Variants in ELP1 observed in about 807,000 individuals in gnomAD.
ELP1 encodes elongator complex protein 1.
In ELP1, 131 loss-of-function variants were observed where a neutral mutation model predicts 183.2. That is an observed-to-expected ratio of 0.72 (90% CI 0.62 to 0.83). The LOEUF (loss-of-function observed/expected upper bound fraction) is 0.83, where lower values mean the gene tolerates loss of function less well. ELP1 is among the 40% of genes least tolerant of loss of function. The pLI, the probability that ELP1 is intolerant of heterozygous loss-of-function variation, is 0.00. For synonymous variants in ELP1, 555 were observed against 569.0 expected (o/e 0.98, Z 0.35); for missense variants, 1,550 against 1,594.9 (o/e 0.97, Z 0.48).
At chr9:108,933,388 A>G (rs1032976371) in intron 1 of ELP1, among the ~76,000 whole-genome samples, 6 of 152,204 alleles carry the variant, frequency 3.9e-5, no homozygotes, top group African/African-American at 7.2e-5. Flanking sequence ...AAGTACTGGG[A>G]TCTGAAGATT....
intron 20 of ELP1, 53 bp from the exon 21 acceptor site, chr9:108,898,802 A>G: frequency 8.3e-7 from 1 of 1,199,852 alleles, no homozygotes; most frequent in Non-Finnish European, 1.2e-6. Flanking sequence ...ACTGAGCTCC[A>G]TGGGCCCAGC....
chr9:108,930,108 A>G (rs1402971041), intron 2 of ELP1, among the ~76,000 whole-genome samples, 187 bp from the exon 3 acceptor site: 1 of 152,252 alleles, frequency 6.6e-6, no homozygotes, highest in East Asian at 1.9e-4. Context: ...CAAGAAAAAT[A>G]GGTAATGTGA....
At chr9:108,903,021 A>G in intron 15 of ELP1, 79 bp from the exon 16 acceptor site, 1 of 941,776 alleles carries the variant, frequency 1.1e-6, no homozygotes, top group Non-Finnish European at 1.7e-6. Flanking sequence ...ATTTGCTAAA[A>G]CACTTAACAT....
chr9:108,878,966 C>T (rs955369247), intron 33 of ELP1, among the ~76,000 whole-genome samples: 1 of 152,176 alleles, frequency 6.6e-6, no homozygotes, highest in Non-Finnish European at 1.5e-5. Context: ...TAACTCATAT[C>T]TCCTTATAAG....
intron 26 of ELP1, among the ~76,000 whole-genome samples, chr9:108,893,371 A>G (rs1424793781): frequency 6.6e-6 from 1 of 152,206 alleles, no homozygotes; most frequent in African/African-American, 2.4e-5. Context: ...GAAGCTTATT[A>G]GACACATGCA....
chr9:108,917,097 A>C (rs1829464099), intron 9 of ELP1, among the ~76,000 whole-genome samples: 1 of 152,232 alleles, frequency 6.6e-6, no homozygotes, highest in South Asian at 2.1e-4. Context: ...TATTAAATAA[A>C]AATCAGTTCT....
rs564095929 is a variant in ELP1, at chr9:108,872,391, A to G, written c.3931+2504T>C. Among the ~76,000 whole-genome samples the G allele has an allele frequency of 3.9e-5, 6 of 152,328 alleles. No individual in the cohort carries two copies. In the East Asian group the frequency reaches 9.6e-4, roughly 24 times the overall value. ...ATGTTTGTTTACATTTCTCTCCACT[A>G]AATGGTGCCATAAAGATATAAGAAT... On this transcript the variant is annotated intron_variant, in intron 36 of 36. Coordinates refer to ENST00000374647, the MANE Select transcript of ELP1 (RefSeq NM_003640.5).
At chr9:108,911,404 C>A (rs753903040) in intron 11 of ELP1, among the ~76,000 whole-genome samples, 3 of 152,200 alleles carry the variant, frequency 2.0e-5, no homozygotes, top group Non-Finnish European at 2.9e-5. Flanking sequence ...GAGTCCATCT[C>A]AGTACCTGGA....
intron 6 of ELP1, among the ~76,000 whole-genome samples, chr9:108,922,363 G>C (rs967325459): frequency 6.6e-6 from 1 of 152,152 alleles, no homozygotes; most frequent in Admixed American, 6.5e-5. Flanking sequence ...GTCCTGCCTT[G>C]AGTCATCAAG....
chr9:108,885,734 T>C (rs1279751244), intron 29 of ELP1, among the ~76,000 whole-genome samples: 1 of 152,196 alleles, frequency 6.6e-6, no homozygotes, highest in Non-Finnish European at 1.5e-5. Context: ...GCACCAACTC[T>C]CTCTGTTCCA....
chr9:108,895,230 AAAAT>A (rs895187729), intron 25 of ELP1, among the ~76,000 whole-genome samples: 11 of 152,154 alleles, frequency 7.2e-5, no homozygotes, highest in African/African-American at 1.9e-4. Flanking sequence ...CCTTGTCTCA[AAAAT>A]AAATAAATAA....
At chr9:108,925,439 T>C (rs963605552) in intron 5 of ELP1, among the ~76,000 whole-genome samples, 3 of 152,134 alleles carry the variant, frequency 2.0e-5, no homozygotes, top group African/African-American at 7.2e-5. Flanking sequence ...CACATTCACT[T>C]GCTTGGACTG....
chr9:108,880,459 AAAAC>A (rs539251121), intron 31 of ELP1, among the ~76,000 whole-genome samples: 112 of 152,094 alleles, frequency 7.4e-4, no homozygotes, highest in African/African-American at 2.6e-3. Context: ...ACAAACAAAC[AAAAC>A]AAACAAACAA....
intron 29 of ELP1, among the ~76,000 whole-genome samples, chr9:108,886,539 T>C (rs2131961168): frequency 6.6e-6 from 1 of 152,318 alleles, no homozygotes; most frequent in East Asian, 1.9e-4. Context: ...ATCAATCACC[T>C]AGTCCCCCAT....
Position 108,927,280 on chromosome 9 carries a change from T to G in ELP1, c.385+92A>C, listed in dbSNP as rs1320318404. 3 of 1,008,984 alleles carry G rather than the reference T, an allele frequency of 3.0e-6. No individual in the cohort carries two copies. The Admixed American group carries it at 5.1e-5, about 17-fold the overall frequency. The allele number at this position is 1,008,984 out of a possible 1,614,324, so 62.5% of individuals were successfully genotyped here. A position where few individuals can be genotyped will look rare whatever the true frequency, so the allele number is the denominator to read the frequency against. On this transcript the variant is annotated intron_variant, in intron 4 of 36. Coordinates refer to ENST00000374647, the MANE Select transcript of ELP1 (RefSeq NM_003640.5). ...TATTATACTGGTTCAAAGAAATTTT[T>G]TGAAATTCAAGCAGCCTAAAGCTGA...
At chr9:108,919,475 G>A in intron 6 of ELP1, 126 bp from the exon 7 acceptor site, 3 of 626,402 alleles carry the variant, frequency 4.8e-6, no homozygotes, top group Non-Finnish European at 8.7e-6. Context: ...CCTGCCTCTA[G>A]AATCAGAAAC....
At chr9:108,886,941 G>A (rs1828146496) in intron 29 of ELP1, among the ~76,000 whole-genome samples, 1 of 150,252 alleles carries the variant, frequency 6.7e-6, no homozygotes, top group Non-Finnish European at 1.5e-5. Flanking sequence ...AGGCACGGAG[G>A]CTCATGCCTG....
chr9:108,912,511 AAAG>A lies in ELP1; in HGVS notation c.959-20_959-18del. ...AGAGCTGAACTGCAAGGGAAAATGA[AAAG>A]AAGGCCGTTAGAGGCTGGGAAGCAG... On this transcript the variant is annotated intron_variant, in intron 10 of 36. Transcript: ENST00000374647. 1 of 1,581,862 alleles carries A rather than the reference AAAG, an allele frequency of 6.3e-7. No homozygotes were observed. The highest frequency in any genetic ancestry group is 1.1e-5 in the South Asian group (1 of 90,238).
chr9:108,911,329 G>A (rs1564095641), intron 11 of ELP1, 149 bp from the exon 12 acceptor site: 1 of 810,124 alleles, frequency 1.2e-6, no homozygotes, highest in Non-Finnish European at 2.0e-6. Flanking sequence ...TCTAAAAACA[G>A]TGTGGGATGG....
Sources: allele counts gnomAD v4.1 joint callset (sites outside exome capture counted in the v4.1 genomes callset), GRCh38; gene constraint gnomAD v4.1.1; transcripts MANE v1.5; gene names NCBI Gene and HGNC (gene_info 2026-07-23, HGNC 2026-07-21).